WWOX: variants seen among roughly 807,000 people sequenced by gnomAD.
WWOX encodes WW domain-containing oxidoreductase.
A neutral mutation model predicts 46.2 loss-of-function variants in WWOX; 69 were observed. The observed-to-expected ratio is 1.49, with a 90% confidence interval of 1.23 to 1.82. The LOEUF (loss-of-function observed/expected upper bound fraction) is 1.82, where lower values mean the gene tolerates loss of function less well. Among genes scored for constraint, WWOX ranks in the 40% most tolerant of loss-of-function variants. The pLI is 0.00. For missense variants in WWOX, 919 were observed against 542.6 expected, an observed-to-expected ratio of 1.69 and a Z score of -6.89; for synonymous variants, 359 against 202.6, an observed-to-expected ratio of 1.77 and a Z score of -6.56.
intron 8 of WWOX, among the ~76,000 whole-genome samples, chr16:78,672,812 T>C (rs889827714): frequency 1.3e-5 from 2 of 152,238 alleles, no homozygotes; most frequent in African/African-American, 4.8e-5. Context: ...ATAACAGCCA[T>C]CTGACTTGAT....
chr16:78,867,655 C>T (rs1013878752), intron 8 of WWOX, among the ~76,000 whole-genome samples: 5 of 152,044 alleles, frequency 3.3e-5, no homozygotes, highest in Non-Finnish European at 5.9e-5. Context: ...AGTCTCCCAC[C>T]TCAGCCTCAC....
At chr16:78,183,556 G>A (rs536981782) in intron 5 of WWOX, among the ~76,000 whole-genome samples, 3 of 152,304 alleles carry the variant, frequency 2.0e-5, no homozygotes, top group Admixed American at 1.3e-4. Flanking sequence ...CTTCCTACAA[G>A]AAATGGAGGT....
chr16:79,155,286 G>C (rs1358962067), intron 8 of WWOX, among the ~76,000 whole-genome samples: 1 of 152,196 alleles, frequency 6.6e-6, no homozygotes, highest in Non-Finnish European at 1.5e-5. Context: ...CGAGGCAGGA[G>C]AATCACTTGA....
At chr16:78,924,647 C>G (rs533011590) in intron 8 of WWOX, among the ~76,000 whole-genome samples, 1 of 152,172 alleles carries the variant, frequency 6.6e-6, no homozygotes, top group African/African-American at 2.4e-5. Context: ...TTAATTTACT[C>G]CACGATTATC....
At chr16:78,408,737 G>A (rs11860127) in intron 6 of WWOX, among the ~76,000 whole-genome samples, 8,193 of 152,232 alleles carry the variant, frequency 0.054, 712 homozygotes, top group African/African-American at 0.19. Context: ...TGCAGATAAA[G>A]AGCAAGGGAA....
chr16:78,465,067 G>A (rs2084042833), intron 8 of WWOX, among the ~76,000 whole-genome samples: 1 of 152,132 alleles, frequency 6.6e-6, no homozygotes, highest in South Asian at 2.1e-4. Flanking sequence ...GATCTCATGA[G>A]ATTTATTCAC....
chr16:78,983,769 C>T (rs2046729253), intron 8 of WWOX, among the ~76,000 whole-genome samples: 2 of 151,914 alleles, frequency 1.3e-5, no homozygotes, highest in South Asian at 4.2e-4. Flanking sequence ...TGTGTTAAAC[C>T]CCTGTGACTT....
chr16:79,037,007 A>C (rs2047880064), intron 8 of WWOX, among the ~76,000 whole-genome samples: 1 of 152,174 alleles, frequency 6.6e-6, no homozygotes, highest in South Asian at 2.1e-4. Flanking sequence ...CTCATGGCTC[A>C]CGTATTAACT....
chr16:78,805,534 C>T (rs914672216), intron 8 of WWOX, among the ~76,000 whole-genome samples: 4 of 151,956 alleles, frequency 2.6e-5, no homozygotes, highest in Non-Finnish European at 4.4e-5. Context: ...CCGCCCGCCT[C>T]AGCCTCCCAA....
chr16:78,434,515 G>C (rs1161353493), intron 8 of WWOX, among the ~76,000 whole-genome samples: 2 of 152,318 alleles, frequency 1.3e-5, no homozygotes, highest in South Asian at 4.1e-4. Flanking sequence ...ATTTAGGAAT[G>C]GGGAGAGGAG....
chr16:78,131,667 C>T (rs2033598886), intron 4 of WWOX, among the ~76,000 whole-genome samples: 1 of 151,806 alleles, frequency 6.6e-6, no homozygotes, highest in South Asian at 2.1e-4. Flanking sequence ...CTGCAACCTC[C>T]ACGTCCCAGG....
In WWOX at chr16:79,181,997, G is replaced by A. The variant is rs75777282; in HGVS notation, c.1057-29611G>A. Among the ~76,000 whole-genome samples the A allele has an allele frequency of 9.2e-5, 14 of 152,252 alleles. No homozygotes were observed. In the East Asian group the frequency reaches 2.5e-3, roughly 27 times the overall value. ...CATTAGTGAACCTTCTGACAATCCC[G>A]GGGCAGTTTGTGGATTCTGCAGCAG... On this transcript the variant is annotated intron_variant, in intron 8 of 8. Coordinates refer to ENST00000566780, the MANE Select transcript of WWOX (RefSeq NM_016373.4).
At chr16:79,142,308 A>G (rs1281111042) in intron 8 of WWOX, among the ~76,000 whole-genome samples, 1 of 152,160 alleles carries the variant, frequency 6.6e-6, no homozygotes, top group Admixed American at 6.5e-5. Context: ...TGAGATGGGA[A>G]GTTAGAGTAG....
intron 8 of WWOX, among the ~76,000 whole-genome samples, chr16:79,125,215 G>C (rs1378548076): frequency 6.6e-6 from 1 of 152,122 alleles, no homozygotes; most frequent in East Asian, 1.9e-4. Flanking sequence ...GTATATTACA[G>C]CTGTAGTCTG....
intron 8 of WWOX, among the ~76,000 whole-genome samples, chr16:78,533,281 G>C (rs2043669211): frequency 6.6e-6 from 1 of 152,130 alleles, no homozygotes; most frequent in African/African-American, 2.4e-5. Flanking sequence ...GGTGGCTCAT[G>C]CCTGTAATCC....
chr16:78,629,597 GCTTACTTTGTACCA>G (rs2046381907), intron 8 of WWOX, among the ~76,000 whole-genome samples: 1 of 152,182 alleles, frequency 6.6e-6, no homozygotes, highest in Non-Finnish European at 1.5e-5. Flanking sequence ...AACCTCTGCA[GCTTACTTTGTACCA>G]CTTTCCCCAG....
chr16:78,157,786 G>C (rs1162165417), intron 4 of WWOX, among the ~76,000 whole-genome samples: 1 of 152,138 alleles, frequency 6.6e-6, no homozygotes, highest in South Asian at 2.1e-4. Flanking sequence ...TCAGCCCTCG[G>C]GTTACCATTG....
intron 8 of WWOX, among the ~76,000 whole-genome samples, chr16:78,478,864 T>A (rs2084419443): frequency 6.6e-6 from 1 of 152,218 alleles, no homozygotes; most frequent in African/African-American, 2.4e-5. Context: ...AAGCCCTTTC[T>A]GAATAAGCTG....
At chr16:78,654,207 T>G (rs2047029909) in intron 8 of WWOX, among the ~76,000 whole-genome samples, 1 of 151,428 alleles carries the variant, frequency 6.6e-6, no homozygotes, top group Non-Finnish European at 1.5e-5. Flanking sequence ...GGTGGGCGAT[T>G]TGAATAGAGC....
Sources: gnomAD v4.1 joint callset for allele counts (sites outside exome capture counted in the v4.1 genomes callset) on GRCh38, gnomAD v4.1.1 for gene constraint, MANE v1.5 for transcripts, NCBI Gene and HGNC (gene_info 2026-07-23, HGNC 2026-07-21) for gene names.